The following NELL1 variants were observed in gnomAD, a reference collection of about 807,000 sequenced individuals.
NELL1 encodes the protein protein kinase C-binding protein NELL1.
Under a neutral mutation model 107.4 loss-of-function variants are expected in NELL1, and 76 were observed. The observed-to-expected ratio is 0.71, with a 90% CI of 0.59 to 0.86. The LOEUF is 0.86. Among genes scored for constraint, NELL1 ranks in the 40% least tolerant of loss-of-function variants. The pLI is 0.00. For missense variants in NELL1, 1,024 were observed against 1,005.5 expected (o/e 1.02, Z -0.25); for synonymous variants, 353 against 341.2 (o/e 1.03, Z -0.38).
chr11:21,477,568 G>A (rs1312087415), intron 15 of NELL1, among the ~76,000 whole-genome samples: 1 of 152,104 alleles, frequency 6.6e-6, no homozygotes, highest in African/African-American at 2.4e-5. Flanking sequence ...TACCTGGAAA[G>A]CCTTCTCAGG....
At chr11:21,451,392 A>T (rs928127095) in intron 15 of NELL1, among the ~76,000 whole-genome samples, 1 of 152,060 alleles carries the variant, frequency 6.6e-6, no homozygotes, top group Non-Finnish European at 1.5e-5. Flanking sequence ...GCAATTCAGA[A>T]AACTATTAAG....
At chr11:20,792,890 G>A (rs1472575128) in intron 3 of NELL1, among the ~76,000 whole-genome samples, 1 of 151,906 alleles carries the variant, frequency 6.6e-6, no homozygotes, top group Non-Finnish European at 1.5e-5. Context: ...TAAGTGAGAT[G>A]CCATAGATTT....
chr11:21,557,827 C>A (rs75724545), intron 16 of NELL1, among the ~76,000 whole-genome samples: 3,197 of 152,024 alleles, frequency 0.021, 116 homozygotes, highest in African/African-American at 0.074. Flanking sequence ...TAGTCTCAGT[C>A]TGTGGATTTC....
intron 15 of NELL1, among the ~76,000 whole-genome samples, chr11:21,440,742 C>A (rs1224825367): frequency 6.6e-6 from 1 of 152,062 alleles, no homozygotes; most frequent in African/African-American, 2.4e-5. Context: ...AATCAGCACC[C>A]AGTGCCACAT....
chr11:20,755,187 T>G (rs1189029888), intron 2 of NELL1, among the ~76,000 whole-genome samples: 1 of 152,150 alleles, frequency 6.6e-6, no homozygotes, highest in African/African-American at 2.4e-5. Flanking sequence ...CTTAGAGGGC[T>G]GCTCTCACCT....
rs149607378 is a variant in NELL1, at chr11:20,729,518, G to C, written c.184+51458G>C. Among the ~76,000 whole-genome samples the C allele has an allele frequency of 7.6e-4, 115 of 151,286 alleles. 1 individual carries two copies. The East Asian group carries it at 0.015, about 20-fold the overall frequency. On this transcript the variant is annotated intron_variant, in intron 2 of 19. Transcript: ENST00000357134. ...TTTCTTGAGGGTTTTTATCATAAAG[G>C]GATGTTGGATTTTATGGAAAGCTTT...
chr11:21,520,311 C>G (rs1399342620), intron 15 of NELL1, among the ~76,000 whole-genome samples: 1 of 152,130 alleles, frequency 6.6e-6, no homozygotes, highest in African/African-American at 2.4e-5. Flanking sequence ...TTACCTCTTG[C>G]TCTAGGGGTG....
chr11:20,815,146 C>A (rs1040334256), intron 3 of NELL1, among the ~76,000 whole-genome samples: 2 of 152,050 alleles, frequency 1.3e-5, no homozygotes, highest in Non-Finnish European at 2.9e-5. Flanking sequence ...CTCACTGCAA[C>A]CTCCACCTCC....
At chr11:20,989,996 C>CAA (rs35612589) in intron 12 of NELL1, among the ~76,000 whole-genome samples, 6,238 of 114,808 alleles carry the variant, frequency 0.054, 160 homozygotes, top group East Asian at 0.093. Flanking sequence ...GACTCCGTCT[C>CAA]AAAAAAAAAA....
At chr11:21,211,464 T>C (rs1020790949) in intron 13 of NELL1, among the ~76,000 whole-genome samples, 1 of 152,144 alleles carries the variant, frequency 6.6e-6, no homozygotes, top group Admixed American at 6.6e-5. Flanking sequence ...ATAATGTTTG[T>C]CTGCATTTTA....
chr11:20,727,449 A>AT lies in NELL1; in HGVS notation c.184+49395dup, dbSNP rs1459796662. Among the ~76,000 whole-genome samples the AT allele has an allele frequency of 1.6e-4, 25 of 151,836 alleles. 1 individual carries two copies. Among genetic ancestry groups the AT allele is most frequent in the Admixed American group, 5.2e-4 (8 of 15,250 alleles). ...GCCCACTTTTTGATGGGGTTGTTTG[A>AT]TTTTTTCTTGTAAATTTGTTGGCGT... On this transcript the variant is annotated intron_variant, in intron 2 of 19. Coordinates refer to ENST00000357134, the MANE Select transcript of NELL1 (RefSeq NM_006157.5).
intron 12 of NELL1, among the ~76,000 whole-genome samples, chr11:20,982,844 C>A (rs368047968): frequency 6.6e-6 from 1 of 152,126 alleles, no homozygotes; most frequent in Non-Finnish European, 1.5e-5. Context: ...ATCTTAAAAG[C>A]GTAGAGCTTA....
At position 21,322,782 on chromosome 11, in the gene NELL1, C is replaced by T. The variant is rs541016854; in HGVS notation, c.1550-48071C>T. Among the ~76,000 whole-genome samples, 6 of 152,148 alleles carry T rather than the reference C, an allele frequency of 3.9e-5. No individual in the cohort carries two copies. The South Asian group carries it at 1.0e-3, about 26-fold the overall frequency. ...CCTCCTGCTTGCTTTAGAAGATTAA[C>T]AAAAATATACATATTTATTCCTCAG... On this transcript the variant is annotated intron_variant, in intron 14 of 19. Transcript: ENST00000357134.
intron 15 of NELL1, among the ~76,000 whole-genome samples, chr11:21,524,083 A>G (rs780020313): frequency 5.3e-5 from 8 of 152,108 alleles, no homozygotes; most frequent in African/African-American, 9.7e-5. Flanking sequence ...GTTTCTTCAA[A>G]GTCCTATGTA....
chr11:21,023,508 T>C (rs1162631419), intron 12 of NELL1, among the ~76,000 whole-genome samples: 2 of 152,256 alleles, frequency 1.3e-5, no homozygotes, highest in Non-Finnish European at 2.9e-5. Flanking sequence ...TTTACTTATA[T>C]TTTCTAAATA....
intron 16 of NELL1, among the ~76,000 whole-genome samples, chr11:21,555,026 A>T (rs1856672888): frequency 6.6e-6 from 1 of 151,910 alleles, no homozygotes; most frequent in Non-Finnish European, 1.5e-5. Flanking sequence ...ATATACAAAT[A>T]TTTTTTTAAA....
chr11:20,925,585 C>T (rs1052049661), intron 7 of NELL1, among the ~76,000 whole-genome samples: 2 of 151,932 alleles, frequency 1.3e-5, no homozygotes, highest in African/African-American at 4.8e-5. Context: ...TGCACTTGAC[C>T]TAGGCTGGAG....
chr11:21,487,644 A>G (rs1181927012), intron 15 of NELL1, among the ~76,000 whole-genome samples: 4 of 148,906 alleles, frequency 2.7e-5, no homozygotes, highest in Non-Finnish European at 6.0e-5. Flanking sequence ...CAACCAGAAA[A>G]CAATGAACAA....
Position 20,941,226 on chromosome 11 carries a change from T to C in NELL1, c.1071+3367T>C, listed in dbSNP as rs569684546. Among the ~76,000 whole-genome samples, 7 of 152,322 alleles carry C rather than the reference T, an allele frequency of 4.6e-5. No individual in the cohort carries two copies. In the South Asian group the frequency reaches 1.2e-3, roughly 27 times the overall value. Reference sequence around the variant, plus strand: ...AAACTAATAGGTTAGTGGATTTCCATGGCTGGAAAACATTAGGAATCAGAG... The same window carrying C: ...AAACTAATAGGTTAGTGGATTTCCACGGCTGGAAAACATTAGGAATCAGAG... On this transcript the variant is annotated intron_variant, in intron 10 of 19. Coordinates refer to ENST00000357134, the MANE Select transcript of NELL1 (RefSeq NM_006157.5).
Sources: gnomAD v4.1 joint callset for allele counts (sites outside exome capture counted in the v4.1 genomes callset) on GRCh38, gnomAD v4.1.1 for gene constraint, MANE v1.5 for transcripts, NCBI Gene and HGNC (gene_info 2026-07-23, HGNC 2026-07-21) for gene names.